HPF1: variants seen among roughly 807,000 people sequenced by gnomAD.
The protein encoded by HPF1 is histone PARylation factor 1.
In HPF1, 35 loss-of-function variants were observed where a neutral mutation model predicts 38.8. That is an observed-to-expected ratio of 0.90 (90% CI 0.69 to 1.19). The LOEUF (loss-of-function observed/expected upper bound fraction) is 1.19. Among genes scored for constraint, HPF1 ranks in the 50% most tolerant of loss-of-function variants. The pLI, the probability that HPF1 is intolerant of heterozygous loss-of-function variation, is 0.00. For synonymous variants in HPF1, 115 were observed against 139.2 expected, an observed-to-expected ratio of 0.83 and a Z score of 1.22; for missense variants, 367 against 405.8, an observed-to-expected ratio of 0.90 and a Z score of 0.82.
At chr4:169,752,690 T>C (rs1190515156) in intron 2 of HPF1, among the ~76,000 whole-genome samples, 2 of 152,214 alleles carry the variant, frequency 1.3e-5, no homozygotes, top group East Asian at 3.8e-4. Flanking sequence ...TTCATTCTTT[T>C]AAAACAATGA....
chr4:169,734,011 A>G (rs970784035), intron 6 of HPF1, among the ~76,000 whole-genome samples: 8 of 152,188 alleles, frequency 5.3e-5, no homozygotes, highest in Non-Finnish European at 1.2e-4. Flanking sequence ...TACAGAATAC[A>G]TGCTGTTACC....
At position 169,737,579 on chromosome 4, in the gene HPF1, C is replaced by A. The variant is rs535193130; in HGVS notation, c.736+81G>T. 5.7e-6 allele frequency: 5 copies of A among 880,350 alleles called. No homozygotes were observed. In the East Asian group the frequency reaches 9.6e-5, roughly 17 times the overall value. The allele number at this position is 880,350 out of a possible 1,614,324, so 54.5% of individuals were successfully genotyped here. A position where few individuals can be genotyped will look rare whatever the true frequency, so the allele number is the denominator to read the frequency against. ...GACTGTGTCAGAAAAGGTATATAGA[C>A]ATACCTACTTCCCAATATAAGCAAA... is the stretch of plus-strand genomic sequence containing the variant. On this transcript the variant is annotated intron_variant, in intron 6 of 7. Transcript: ENST00000393381.
chr4:169,739,194 G>A (rs1429620993), intron 5 of HPF1, among the ~76,000 whole-genome samples: 1 of 152,120 alleles, frequency 6.6e-6, no homozygotes, highest in African/African-American at 2.4e-5. Context: ...AAATAATTTT[G>A]TGATAGAGAA....
intron 4 of HPF1, among the ~76,000 whole-genome samples, chr4:169,748,011 T>C (rs1453072097): frequency 6.6e-6 from 1 of 152,204 alleles, no homozygotes; most frequent in Non-Finnish European, 1.5e-5. Context: ...AGCTCCCTGA[T>C]GGTGGCAGAG....
At chr4:169,748,933 C>A in intron 3 of HPF1, 91 bp from the exon 4 acceptor site, 1 of 630,262 alleles carries the variant, frequency 1.6e-6, no homozygotes. Context: ...ACAATTTACA[C>A]CTATTTTTTT....
At chr4:169,736,525 T>C (rs1733897243) in intron 6 of HPF1, among the ~76,000 whole-genome samples, 1 of 152,150 alleles carries the variant, frequency 6.6e-6, no homozygotes, top group African/African-American at 2.4e-5. Flanking sequence ...CAGGTCCGTA[T>C]GAGTAGCTGC....
intron 7 of HPF1, among the ~76,000 whole-genome samples, chr4:169,731,497 TATAAG>T (rs368012114): frequency 9.9e-5 from 15 of 152,152 alleles, no homozygotes; most frequent in African/African-American, 3.6e-4. Context: ...TTTGCCAGAA[TATAAG>T]ATGAGTTTAA....
chr4:169,729,722 A>T lies in HPF1; in HGVS notation c.910-13T>A. 6.7e-7 allele frequency: 1 copy of T among 1,482,558 alleles called. No individual in the cohort carries two copies. Among genetic ancestry groups the T allele is most frequent in the Non-Finnish European group, 9.0e-7 (1 of 1,111,614 alleles). The allele number at this position is 1,482,558 out of a possible 1,614,324, so 91.8% of individuals were successfully genotyped here. A position where few individuals can be genotyped will look rare whatever the true frequency, so the allele number is the denominator to read the frequency against. Reference sequence around the variant, plus strand: ...CTTTATGAAAATACTGAAAAATAAAAATATAACATTAAGCAGAGAATATAG... The same window carrying T: ...CTTTATGAAAATACTGAAAAATAAATATATAACATTAAGCAGAGAATATAG... On this transcript the variant is annotated splice_polypyrimidine_tract_variant and intron_variant, in intron 7 of 7. Transcript: ENST00000393381.
chr4:169,743,743 G>A (rs535875394), intron 4 of HPF1, among the ~76,000 whole-genome samples: 1 of 152,060 alleles, frequency 6.6e-6, no homozygotes, highest in African/African-American at 2.4e-5. Context: ...GAAGGCTGAG[G>A]GAGTAACAAC....
At position 169,750,683 on chromosome 4, in the gene HPF1, T is replaced by A. The variant is rs1453476961; in HGVS notation, c.251A>T (p.Tyr84Phe). ...TTTATGTTTTCCAGCAAGGATATCA[T>A]AAGGACCAACTAATTGAAGTCCAAG... ...ASLGLQLVGPYDILAGKHKTK... is the reference protein window; with the variant it reads ...ASLGLQLVGPFDILAGKHKTK... The change falls in exon 3 of 8, where the codon TAT (tyrosine) becomes TTT (phenylalanine). Residue 84 changes from tyrosine to phenylalanine, a missense_variant. Tyr to Phe is a conservative substitution (Grantham distance 22, BLOSUM62 3). Transcript: ENST00000393381. The A allele has an allele frequency of 6.2e-7, 1 of 1,613,712 alleles. No individual in the cohort carries two copies. Among genetic ancestry groups the A allele is most frequent in the East Asian group, 2.2e-5 (1 of 44,846 alleles).
At chr4:169,755,948 C>A (rs896607169) in intron 1 of HPF1, among the ~76,000 whole-genome samples, 1 of 151,922 alleles carries the variant, frequency 6.6e-6, no homozygotes, top group African/African-American at 2.4e-5. Context: ...AGGTCAAAGA[C>A]GATCATGAAT....
At chr4:169,731,449 A>G (rs1000254589) in intron 7 of HPF1, among the ~76,000 whole-genome samples, 1 of 152,246 alleles carries the variant, frequency 6.6e-6, no homozygotes, top group Non-Finnish European at 1.5e-5. Flanking sequence ...GCCTGAATGC[A>G]AATAATCTTC....
intron 2 of HPF1, among the ~76,000 whole-genome samples, chr4:169,752,546 T>C (rs1734133103): frequency 6.6e-6 from 1 of 152,166 alleles, no homozygotes; most frequent in Non-Finnish European, 1.5e-5. Flanking sequence ...CAGAAAAGTA[T>C]ACAGGGATAT....
chr4:169,748,281 A>G (rs968209599), intron 4 of HPF1, among the ~76,000 whole-genome samples: 7 of 152,110 alleles, frequency 4.6e-5, no homozygotes, highest in South Asian at 2.1e-4. Context: ...TTTGGTGAAG[A>G]GGCACAAAAT....
In HPF1 at chr4:169,737,748, C is replaced by G. The variant is rs1398316591; in HGVS notation, c.649-1G>C. ...CACCATGAAAGGTCTTTGTCACAAC[C>G]TACATTAAAGAAAAGAATAAAATGT... is the stretch of plus-strand genomic sequence containing the variant. On this transcript the variant is annotated splice_acceptor_variant, in intron 5 of 7. Coordinates refer to ENST00000393381, the MANE Select transcript of HPF1 (RefSeq NM_017867.3). LOFTEE classifies it high-confidence loss of function. 6.3e-7 allele frequency: 1 copy of G among 1,599,746 alleles called. No homozygotes were observed. The highest frequency in any genetic ancestry group is 2.2e-5 in the East Asian group (1 of 44,756).
intron 4 of HPF1, among the ~76,000 whole-genome samples, chr4:169,748,370 C>T (rs769117927): frequency 3.3e-5 from 5 of 151,458 alleles, no homozygotes; most frequent in African/African-American, 4.9e-5. Context: ...GTCTCAAATC[C>T]GCTTTGTTTT....
chr4:169,741,667 T>G (rs1351451450), intron 5 of HPF1, among the ~76,000 whole-genome samples: 2 of 152,176 alleles, frequency 1.3e-5, no homozygotes, highest in African/African-American at 4.8e-5. Flanking sequence ...ATGAAGTGAT[T>G]AAATGGTAAA....
intron 1 of HPF1, among the ~76,000 whole-genome samples, chr4:169,757,133 T>C (rs77853688): frequency 0.068 from 10,309 of 152,170 alleles, 1,175 homozygotes; most frequent in African/African-American, 0.23. Flanking sequence ...CGTAGTAAAG[T>C]ATGAGAATGC....
Position 169,750,697 on chromosome 4 carries a change from T to C in HPF1, c.237A>G (p.Gln79=), listed in dbSNP as rs760642687. 4.2e-5 allele frequency: 68 copies of C among 1,611,386 alleles called. No individual in the cohort carries two copies. The highest frequency in any genetic ancestry group is 2.5e-4 in the African/African-American group (19 of 74,824). ...CAAGGATATCATAAGGACCAACTAATTGAAGTCCAAGGCTTGCAGAAAGTG... is the reference window on the plus strand; with the variant it reads ...CAAGGATATCATAAGGACCAACTAACTGAAGTCCAAGGCTTGCAGAAAGTG... ...SDSLSASLGL[Q]LVGPYDILAG... Residue 79 remains glutamine (Q), a synonymous_variant, in exon 3 of 8, where the codon CAA becomes CAG. Coordinates refer to ENST00000393381, the MANE Select transcript of HPF1 (RefSeq NM_017867.3).
Sources: gnomAD v4.1 joint callset for allele counts (sites outside exome capture counted in the v4.1 genomes callset) on GRCh38, gnomAD v4.1.1 for gene constraint, MANE v1.5 for transcripts, NCBI Gene and HGNC (gene_info 2026-07-23, HGNC 2026-07-21) for gene names.